GRM8: variants seen among roughly 807,000 people sequenced by gnomAD.
The protein encoded by GRM8 is glutamate metabotropic receptor 8.
A neutral mutation model predicts 87.2 loss-of-function variants in GRM8; 47 were observed. The ratio of observed to expected loss-of-function variants is 0.54; its 90% confidence interval spans 0.43 to 0.69. The LOEUF is 0.69. GRM8 is among the 30% of genes least tolerant of loss of function. The pLI is 0.00. For synonymous variants in GRM8, 396 were observed against 404.5 expected (o/e 0.98, Z 0.25); for missense variants, 1,019 against 1,139.2 (o/e 0.89, Z 1.52).
At chr7:126,472,813 G>A (rs992666764) in intron 9 of GRM8, among the ~76,000 whole-genome samples, 3 of 152,114 alleles carry the variant, frequency 2.0e-5, no homozygotes, top group Non-Finnish European at 4.4e-5. Context: ...GTGCAGTCTC[G>A]GGACTTGGTG....
At chr7:126,662,632 T>C (rs1284033802) in intron 7 of GRM8, among the ~76,000 whole-genome samples, 4 of 152,152 alleles carry the variant, frequency 2.6e-5, no homozygotes, top group Admixed American at 6.5e-5. Context: ...GAAGGACAAA[T>C]AGTACAGAGG....
chr7:127,021,408 C>A (rs1222874756), intron 3 of GRM8, among the ~76,000 whole-genome samples: 3 of 150,628 alleles, frequency 2.0e-5, no homozygotes, highest in Non-Finnish European at 3.0e-5. Flanking sequence ...TGTTTTCTCT[C>A]CTTGGTAATT....
Position 126,655,471 on chromosome 7 carries a change from T to TTCTCTC in GRM8, c.1358-45979_1358-45974dup, listed in dbSNP as rs150555462. Among the ~76,000 whole-genome samples, 381 of 150,516 alleles carry TTCTCTC rather than the reference T, an allele frequency of 2.5e-3. 4 individuals carry two copies. The highest frequency in any genetic ancestry group is 9.5e-3 in the South Asian group (45 of 4,754). On this transcript the variant is annotated intron_variant, in intron 7 of 10. Transcript: ENST00000339582. ...ATGGGAGGTGATTGCATTATGGTCTTTCTCTCTCTCTCTCTCTCTCTGTTG... is the reference window on the plus strand; with the variant it reads ...ATGGGAGGTGATTGCATTATGGTCTTTCTCTCTCTCTCTCTCTCTCTCTCTCTGTTG...
chr7:127,116,932 A>C (rs1826732221), intron 2 of GRM8, among the ~76,000 whole-genome samples: 1 of 152,216 alleles, frequency 6.6e-6, no homozygotes, highest in South Asian at 2.1e-4. Context: ...GTAATTTATC[A>C]GCAGGGACTT....
intron 2 of GRM8, among the ~76,000 whole-genome samples, chr7:127,181,104 C>G (rs1005188667): frequency 1.3e-5 from 2 of 152,012 alleles, no homozygotes; most frequent in African/African-American, 4.8e-5. Context: ...CCTAAGAACT[C>G]CTTCAGAAAT....
chr7:126,673,930 T>C (rs1461562766), intron 7 of GRM8, among the ~76,000 whole-genome samples: 1 of 152,182 alleles, frequency 6.6e-6, no homozygotes, highest in Non-Finnish European at 1.5e-5. Flanking sequence ...CGATTAGCCT[T>C]CTTCACTGAT....
intron 8 of GRM8, among the ~76,000 whole-genome samples, chr7:126,545,657 T>G (rs1817064327): frequency 6.6e-6 from 1 of 152,192 alleles, no homozygotes; most frequent in Non-Finnish European, 1.5e-5. Context: ...ATGACTTAAA[T>G]GTTATACATA....
At chr7:126,511,395 T>G (rs1316907693) in intron 9 of GRM8, 1 of 152,144 alleles carries the variant, frequency 6.6e-6, no homozygotes, top group Non-Finnish European at 1.5e-5. Context: ...CCTTGAGAAT[T>G]TTAGAATAAA....
intron 7 of GRM8, among the ~76,000 whole-genome samples, chr7:126,618,299 G>T (rs1799743682): frequency 6.6e-6 from 1 of 152,078 alleles, no homozygotes; most frequent in Non-Finnish European, 1.5e-5. Flanking sequence ...TTTAATAAAT[G>T]GTGCTGGGAA....
rs1268601367 is a variant in GRM8 at position 126,903,715 on chromosome 7, GTA to G, written c.1018+255_1018+256del. 8.9e-3 allele frequency among the ~76,000 whole-genome samples: 1,179 copies of G among 132,104 alleles called. 30 individuals carry two copies. The highest frequency in any genetic ancestry group is 0.025 in the African/African-American group (896 of 35,184). 86.7% of individuals were successfully genotyped at this position (132,104 alleles called of 152,430 possible). On this transcript the variant is annotated intron_variant, in intron 5 of 10. Transcript: ENST00000339582. Reference sequence around the variant, plus strand: ...TATGTGTATATATATATGTATATGTGTATATATATATGTATATGTGTATATAT... The same window carrying G: ...TATGTGTATATATATATGTATATGTGTATATATATGTATATGTGTATATAT...
intron 2 of GRM8, among the ~76,000 whole-genome samples, chr7:127,138,649 G>T (rs762915087): frequency 1.8e-4 from 28 of 152,156 alleles, no homozygotes; most frequent in Non-Finnish European, 2.6e-4. Context: ...CCTGGAATTT[G>T]ACCTGCATCA....
At chr7:127,174,270 G>A (rs1387314487) in intron 2 of GRM8, among the ~76,000 whole-genome samples, 1 of 152,296 alleles carries the variant, frequency 6.6e-6, no homozygotes, top group African/African-American at 2.4e-5. Flanking sequence ...CAGATGTTGT[G>A]CATGGCAGCC....
Position 126,957,189 on chromosome 7 carries a change from TA to T in GRM8, c.728-52507del, listed in dbSNP as rs767896335. 1.4e-3 allele frequency among the ~76,000 whole-genome samples: 204 copies of T among 150,106 alleles called. 1 individual carries two copies. Among genetic ancestry groups the T allele is most frequent in the African/African-American group, 1.3e-3 (53 of 40,912 alleles). On this transcript the variant is annotated intron_variant, in intron 3 of 10. Transcript: ENST00000339582. ...GTAAGGAAGATCTCAATCACAGAGTTAAAAAAAAAATTAATAAGCACTAAAG... is the reference window on the plus strand; with the variant it reads ...GTAAGGAAGATCTCAATCACAGAGTTAAAAAAAAATTAATAAGCACTAAAG...
At chr7:126,609,135 G>GA (rs1798658766) in intron 8 of GRM8, among the ~76,000 whole-genome samples, 3 of 151,976 alleles carry the variant, frequency 2.0e-5, no homozygotes, top group East Asian at 3.9e-4. Context: ...GTCAACTGCA[G>GA]GAAAAAAATC....
chr7:127,085,441 C>T (rs954538834), intron 3 of GRM8, among the ~76,000 whole-genome samples: 41 of 152,326 alleles, frequency 2.7e-4, no homozygotes, highest in African/African-American at 7.7e-4. Flanking sequence ...AGTGTAAAGG[C>T]ATTCCTATTT....
chr7:126,960,879 T>C (rs1809246160), intron 3 of GRM8, among the ~76,000 whole-genome samples: 1 of 152,200 alleles, frequency 6.6e-6, no homozygotes, highest in Admixed American at 6.5e-5. Context: ...ATCCCCTTGC[T>C]AAATGGTTTA....
rs553996975 is a variant in GRM8, at chr7:127,115,749, G to A, written c.511-9037C>T. 3.5e-4 allele frequency among the ~76,000 whole-genome samples: 54 copies of A among 152,278 alleles called. 1 individual carries two copies. Among genetic ancestry groups the A allele is most frequent in the Admixed American group, 2.0e-3 (31 of 15,306 alleles). The stretch of plus-strand genomic sequence containing the variant: ...GTTCTAATCCATCAAGTCACTAGTA[G>A]TGTGGGGATTTTTAAGCCTAACTAC... On this transcript the variant is annotated intron_variant, in intron 2 of 10. Transcript: ENST00000339582.
chr7:126,687,784 AC>A (rs2151357351), intron 7 of GRM8, among the ~76,000 whole-genome samples: 1 of 151,578 alleles, frequency 6.6e-6, no homozygotes, highest in East Asian at 1.9e-4. Context: ...ATTTAGTCAT[AC>A]TTATAGACAG....
intron 8 of GRM8, among the ~76,000 whole-genome samples, chr7:126,575,394 T>C (rs954646138): frequency 1.3e-5 from 2 of 151,862 alleles, no homozygotes; most frequent in Non-Finnish European, 2.9e-5. Context: ...GTTGTATAAT[T>C]ATTTCATTAT....
Sources: gnomAD v4.1 joint callset for allele counts (sites outside exome capture counted in the v4.1 genomes callset) on GRCh38, gnomAD v4.1.1 for gene constraint, MANE v1.5 for transcripts, NCBI Gene and HGNC (gene_info 2026-07-23, HGNC 2026-07-21) for gene names.